BRI3BP: variants seen among roughly 807,000 people sequenced by gnomAD.
The protein encoded by BRI3BP is BRI3 binding protein, also known as BRI3-binding protein.
In BRI3BP, 7 loss-of-function variants were observed where a neutral mutation model predicts 15.8. The observed-to-expected ratio is 0.44, with a 90% CI of 0.25 to 0.83. The LOEUF (loss-of-function observed/expected upper bound fraction) is 0.83, where lower values mean the gene tolerates loss of function less well. Among genes scored for constraint, BRI3BP ranks in the 40% least tolerant of loss-of-function variants. The pLI is 0.20. For missense variants in BRI3BP, 320 were observed against 339.3 expected (o/e 0.94, Z 0.45); for synonymous variants, 192 against 163.5 (o/e 1.17, Z -1.33).
intron 1 of BRI3BP, among the ~76,000 whole-genome samples, chr12:125,011,093 T>TTA (rs1555217155): frequency 2.1e-5 from 2 of 93,462 alleles, no homozygotes; most frequent in South Asian, 4.5e-4. Flanking sequence ...GACCCTGTCT[T>TTA]AAAAAAAAAA....
At chr12:125,019,953 CTTTT>C (rs71092263) in intron 2 of BRI3BP, among the ~76,000 whole-genome samples, 1 of 75,088 alleles carries the variant, frequency 1.3e-5, no homozygotes, top group Non-Finnish European at 2.4e-5. Flanking sequence ...CAACAACAGA[CTTTT>C]TTTTTTTTTT....
chr12:125,015,339 G>A (rs561542384), intron 2 of BRI3BP, among the ~76,000 whole-genome samples: 40 of 151,942 alleles, frequency 2.6e-4, no homozygotes, highest in Admixed American at 5.9e-4. Flanking sequence ...ACGGCCATGC[G>A]AAATGAGAAA....
the BRI3BP span, among the ~76,000 whole-genome samples, chr12:125,039,974 A>G: frequency 6.6e-6 from 1 of 152,204 alleles, no homozygotes; most frequent in African/African-American, 2.4e-5. Flanking sequence ...GCAAAAATGT[A>G]GGACAATGGC....
chr12:125,005,498 G>A (rs940762301), intron 1 of BRI3BP, among the ~76,000 whole-genome samples: 1 of 152,150 alleles, frequency 6.6e-6, no homozygotes, highest in African/African-American at 2.4e-5. Flanking sequence ...GCCAGGGATG[G>A]TGGCTCATGC....
In BRI3BP at chr12:125,003,180, C is replaced by T. The variant is rs185113900; in HGVS notation, c.213+9177C>T. Among the ~76,000 whole-genome samples, 32 of 152,280 alleles carry T rather than the reference C, an allele frequency of 2.1e-4. 1 individual carries two copies. Among genetic ancestry groups the T allele is most frequent in the Admixed American group, 2.1e-3 (32 of 15,290 alleles). On this transcript the variant is annotated intron_variant, in intron 1 of 2. Coordinates refer to ENST00000341446, the MANE Select transcript of BRI3BP (RefSeq NM_080626.6). Reference sequence around the variant, plus strand: ...CCTCATGGCCTGATTTTCCATAGGACCCGTTTGCATGTGCCTGAGGGTGAT... The same window carrying T: ...CCTCATGGCCTGATTTTCCATAGGATCCGTTTGCATGTGCCTGAGGGTGAT...
At chr12:125,012,317 G>A (rs1747217998) in intron 1 of BRI3BP, among the ~76,000 whole-genome samples, 1 of 152,200 alleles carries the variant, frequency 6.6e-6, no homozygotes, top group Non-Finnish European at 1.5e-5. Context: ...TTCAGCCCTT[G>A]CAAGGAAGGG....
intron 1 of BRI3BP, 116 bp downstream of exon 1, chr12:124,994,119 G>C: frequency 1.3e-5 from 9 of 698,296 alleles, no homozygotes; most frequent in Non-Finnish European, 1.7e-5. Context: ...CAGCGCGCGG[G>C]AAGAGGGGGT....
At chr12:125,033,295 G>A (rs1955419730), downstream of BRI3BP, among the ~76,000 whole-genome samples, 1 of 152,214 alleles carries the variant, frequency 6.6e-6, no homozygotes, top group Admixed American at 6.5e-5. Flanking sequence ...GGGAGGCTGA[G>A]GCAGAAGGAT....
rs1291206100 is a variant in BRI3BP at position 125,025,025 on chromosome 12, G to A, written c.351G>A (p.Ser117=). ...SNLSQYFSPA[S]VSSSPARALL... ...TGTCCCAGTATTTCAGCCCAGCCTC[G>A]GTGTCCAGCAGCCCGGCCCGCGCGC... The change falls in exon 3 of 3, where the codon TCG becomes TCA. Residue 117 remains serine, a synonymous_variant. Transcript: ENST00000341446. 5.6e-6 allele frequency: 9 copies of A among 1,613,072 alleles called. No individual in the cohort carries two copies. Among genetic ancestry groups the A allele is most frequent in the South Asian group, 1.1e-5 (1 of 91,066 alleles).
the BRI3BP span, among the ~76,000 whole-genome samples, chr12:125,047,850 C>T: frequency 2.0e-5 from 3 of 151,550 alleles, no homozygotes; most frequent in Admixed American, 6.6e-5. Flanking sequence ...GCGCATGCCA[C>T]CACATCTGGC....
the BRI3BP span, among the ~76,000 whole-genome samples, chr12:125,040,050 T>C: frequency 6.6e-6 from 1 of 152,130 alleles, no homozygotes; most frequent in South Asian, 2.1e-4. Flanking sequence ...GATCACAAGG[T>C]CAAGAGATTG....
chr12:125,033,106 A>C (rs1404514952), downstream of BRI3BP, among the ~76,000 whole-genome samples: 3 of 152,204 alleles, frequency 2.0e-5, no homozygotes, highest in Admixed American at 1.3e-4. Context: ...CGGGATCTCA[A>C]ACTCATTATG....
chr12:125,027,173 T>C lies in BRI3BP; in HGVS notation c.*1743T>C, dbSNP rs1955362596. 6.6e-6 allele frequency: 1 copy of C among 152,178 alleles called. No homozygotes were observed. Among genetic ancestry groups the C allele is most frequent in the East Asian group, 1.9e-4 (1 of 5,186 alleles). 9.4% of individuals were successfully genotyped at this position (152,178 alleles called of 1,614,324 possible). A position where few individuals can be genotyped will look rare whatever the true frequency, so the allele number is the denominator to read the frequency against. On this transcript the variant is annotated 3_prime_UTR_variant, in exon 3 of 3. Coordinates refer to ENST00000341446, the MANE Select transcript of BRI3BP (RefSeq NM_080626.6). ...TAGCTGTCTACCACTTCTTGTGTAG[T>C]GTTCCTGTGAAGTTTTATTTTTGGT...
chr12:125,044,450 A>ATT, the BRI3BP span, among the ~76,000 whole-genome samples: 91 of 138,236 alleles, frequency 6.6e-4, no homozygotes, highest in African/African-American at 1.4e-3. Flanking sequence ...TGCCCGGCCA[A>ATT]TTTTTTTTTT....
At chr12:125,004,449 C>CATTACA (rs1955125389) in intron 1 of BRI3BP, among the ~76,000 whole-genome samples, 1 of 152,108 alleles carries the variant, frequency 6.6e-6, no homozygotes, top group Non-Finnish European at 1.5e-5. Flanking sequence ...GGATTACAGG[C>CATTACA]GTTAGCCACC....
Position 125,028,405 on chromosome 12 carries a change from T to C in BRI3BP, c.*2975T>C, listed in dbSNP as rs1356231283. 1 of 152,238 alleles carries C rather than the reference T, an allele frequency of 6.6e-6. No homozygotes were observed. Among genetic ancestry groups the C allele is most frequent in the Non-Finnish European group, 1.5e-5 (1 of 68,034 alleles). 9.4% of individuals were successfully genotyped at this position (152,238 alleles called of 1,614,324 possible). On this transcript the variant is annotated 3_prime_UTR_variant, in exon 3 of 3. Transcript: ENST00000341446. ...TCTCGATAAGATCATCATTTTAACT[T>C]GTATTCAACTGAGGGAGGTAACATG...
chr12:124,998,132 A>G (rs1955055916), intron 1 of BRI3BP, among the ~76,000 whole-genome samples: 1 of 152,022 alleles, frequency 6.6e-6, no homozygotes, highest in South Asian at 2.1e-4. Context: ...CTCAAAAAAA[A>G]AAAAAAAAAA....
At chr12:125,014,487 G>C (rs1384204645) in intron 2 of BRI3BP, among the ~76,000 whole-genome samples, 1 of 152,228 alleles carries the variant, frequency 6.6e-6, no homozygotes, top group Non-Finnish European at 1.5e-5. Context: ...AAAGGTGCGC[G>C]AATTCCCGGG....
intron 1 of BRI3BP, among the ~76,000 whole-genome samples, chr12:124,995,342 G>T (rs984593105): frequency 6.6e-6 from 1 of 152,172 alleles, no homozygotes; most frequent in African/African-American, 2.4e-5. Context: ...AGTGCAGGGA[G>T]TCTCACTTAC....
Sources: allele counts gnomAD v4.1 joint callset (sites outside exome capture counted in the v4.1 genomes callset), GRCh38; gene constraint gnomAD v4.1.1; transcripts MANE v1.5; gene names NCBI Gene and HGNC (gene_info 2026-07-23, HGNC 2026-07-21).